APOL3: variants seen among roughly 807,000 people sequenced by gnomAD.
APOL3 encodes the protein TNF-inducible protein CG12-1.
Under a neutral mutation model 11.6 loss-of-function variants are expected in APOL3, and 14 were observed. That is an observed-to-expected ratio of 1.21 (90% CI 0.80 to 1.89). APOL3 has a LOEUF of 1.89. APOL3 is among the 40% of genes most tolerant of loss of function. The pLI is 0.00. For synonymous variants in APOL3, 192 were observed against 190.6 expected, an observed-to-expected ratio of 1.01 and a Z score of -0.06; for missense variants, 483 against 492.1, an observed-to-expected ratio of 0.98 and a Z score of 0.17.
At chr22:36,141,770 T>G in exon 3 of APOL3, 1 of 1,614,190 alleles carries the variant, frequency 6.2e-7, no homozygotes, top group Non-Finnish European at 8.5e-7. Flanking sequence ...GACTCGTCCC[T>G]GCTGTAAATG....
intron 1 of APOL3, 94 bp downstream of exon 2, chr22:36,148,952 G>A (rs758711852): frequency 5.5e-5 from 68 of 1,225,234 alleles, no homozygotes; most frequent in East Asian, 1.4e-4. Context: ...TTGACCATCC[G>A]GGTTCCTCTG....
chr22:36,155,013 C>T (rs920490415), intron 1 of APOL3, among the ~76,000 whole-genome samples: 24 of 152,144 alleles, frequency 1.6e-4, no homozygotes, highest in African/African-American at 5.8e-4. Flanking sequence ...TATGGAGGTG[C>T]CGATGGACCT....
At chr22:36,141,770 T>C in exon 3 of APOL3, 1 of 1,614,190 alleles carries the variant, frequency 6.2e-7, no homozygotes, top group African/African-American at 1.3e-5. Flanking sequence ...GACTCGTCCC[T>C]GCTGTAAATG....
At chr22:36,153,374 A>G (rs1217405887) in intron 1 of APOL3, 1 of 456,056 alleles carries the variant, frequency 2.2e-6, no homozygotes, top group African/African-American at 2.0e-5. Context: ...CTGCCTCCTG[A>G]TGGGAGAAAT....
At chr22:36,146,438 A>C (rs1049478917) in intron 1 of APOL3, 4 of 152,182 alleles carry the variant, frequency 2.6e-5, no homozygotes, top group Admixed American at 6.5e-5. Flanking sequence ...TGGGTTATGA[A>C]AATAGTTCAT....
rs12485240 is a variant in APOL3 at position 36,146,702 on chromosome 22, C to T, written c.224-1103G>A. On this transcript the variant is annotated intron_variant, in intron 1 of 2. Coordinates refer to ENST00000349314, the Ensembl canonical transcript of APOL3. ...CACTGACCACTCCCACACTGGTCAA[C>T]GCTACAAATGTTTCAACCTTGTAAT... Among the ~76,000 whole-genome samples, 517 of 152,120 alleles carry T rather than the reference C, an allele frequency of 3.4e-3. 12 individuals are homozygous for T. Among genetic ancestry groups the T allele is most frequent in the Admixed American group, 0.027 (412 of 15,282 alleles).
At chr22:36,142,820 C>G (rs2060048676) in intron 2 of APOL3, among the ~76,000 whole-genome samples, 1 of 152,172 alleles carries the variant, frequency 6.6e-6, no homozygotes. Context: ...CTTTTCTCCT[C>G]TAGGCGCTGA....
At chr22:36,140,719 A>T (rs769870077) in exon 3 of APOL3, 18 of 159,618 alleles carry the variant, frequency 1.1e-4, no homozygotes, top group Admixed American at 4.2e-4. Flanking sequence ...TGCTGGAAAG[A>T]CAGGGCAGGG....
At chr22:36,150,157 G>T (rs768542509) in intron 1 of APOL3, among the ~76,000 whole-genome samples, 11 of 152,060 alleles carry the variant, frequency 7.2e-5, no homozygotes, top group Admixed American at 1.3e-4. Context: ...TTCACATTCT[G>T]CTTGTGATGA....
intron 1 of APOL3, chr22:36,153,167 G>A (rs2012086810): frequency 5.8e-6 from 1 of 173,850 alleles, no homozygotes; most frequent in Non-Finnish European, 1.3e-5. Context: ...TAATTGGGAA[G>A]GGAGTGAGTG....
At chr22:36,145,488 G>T (rs141517147) in exon 2 of APOL3, 9 of 1,613,812 alleles carry the variant, frequency 5.6e-6, no homozygotes, top group Non-Finnish European at 6.8e-6. Context: ...CAATTCAGCC[G>T]CAGTCACGAA....
chr22:36,149,225 A>T, intron 1 of APOL3, 83 bp from the exon 2 acceptor site: 1 of 1,308,956 alleles, frequency 7.6e-7, no homozygotes, highest in Non-Finnish European at 1.0e-6. Flanking sequence ...GATCTCTGCA[A>T]TCCCTTTGCG....
intron 2 of APOL3, among the ~76,000 whole-genome samples, chr22:36,144,977 C>A (rs1236268020): frequency 1.4e-5 from 2 of 141,826 alleles, no homozygotes; most frequent in African/African-American, 5.3e-5. Context: ...TGCCACTGCA[C>A]TCCAGCCTGG....
intron 1 of APOL3, among the ~76,000 whole-genome samples, 157 bp downstream of exon 2, chr22:36,148,889 C>T (rs1213430288): frequency 6.6e-6 from 1 of 152,162 alleles, no homozygotes; most frequent in Admixed American, 6.5e-5. Flanking sequence ...ACCCTTGGGT[C>T]GGGGGACTCC....
chr22:36,163,579 G>A (rs963187951), upstream of APOL3, among the ~76,000 whole-genome samples: 2 of 152,332 alleles, frequency 1.3e-5, no homozygotes, highest in African/African-American at 4.8e-5. Flanking sequence ...CAGCAAGGCT[G>A]TAGTACCCAC....
At chr22:36,141,092 C>G in exon 3 of APOL3, 1 of 1,492,898 alleles carries the variant, frequency 6.7e-7, no homozygotes, top group Admixed American at 2.1e-5. Flanking sequence ...CACTAACACT[C>G]AGCTCCATAA....
intron 2 of APOL3, 102 bp downstream of exon 3, chr22:36,145,371 G>T (rs1163496315): frequency 1.7e-5 from 24 of 1,431,142 alleles, no homozygotes; most frequent in Non-Finnish European, 2.3e-5. Context: ...TTCAGCAGAG[G>T]GGGCTGCCTG....
upstream of APOL3, among the ~76,000 whole-genome samples, chr22:36,162,925 G>A (rs1195215060): frequency 6.6e-6 from 1 of 152,210 alleles, no homozygotes; most frequent in African/African-American, 2.4e-5. Context: ...GGGTCAAGAT[G>A]TTTGTGCTAT....
At chr22:36,160,005 C>T (rs555031944) in intron 1 of APOL3, among the ~76,000 whole-genome samples, 25 of 152,114 alleles carry the variant, frequency 1.6e-4, no homozygotes, top group Non-Finnish European at 2.5e-4. Context: ...CCTCAGCCTC[C>T]CAAGTAGCTG....
Sources: gnomAD v4.1 joint callset for allele counts (sites outside exome capture counted in the v4.1 genomes callset) on GRCh38, gnomAD v4.1.1 for gene constraint, MANE v1.5 for transcripts, NCBI Gene and HGNC (gene_info 2026-07-23, HGNC 2026-07-21) for gene names.